CAMLG: variants seen among roughly 807,000 people sequenced by gnomAD.
CAMLG encodes calcium modulating ligand.
A neutral mutation model predicts 28.9 loss-of-function variants in CAMLG; 23 were observed. That is an observed-to-expected ratio of 0.80 (90% confidence interval 0.57 to 1.13). The LOEUF (loss-of-function observed/expected upper bound fraction) is 1.13. CAMLG is among the 50% of genes most tolerant of loss of function. The pLI is 0.00. For synonymous variants in CAMLG, 141 were observed against 146.5 expected (o/e 0.96, Z 0.27); for missense variants, 367 against 371.9 (o/e 0.99, Z 0.11).
intron 1 of CAMLG, among the ~76,000 whole-genome samples, chr5:134,739,848 C>T (rs1752962608): frequency 6.6e-6 from 1 of 152,082 alleles, no homozygotes; most frequent in Non-Finnish European, 1.5e-5. Flanking sequence ...ATATTTTGTT[C>T]TTTTGCTTTG....
intron 3 of CAMLG, among the ~76,000 whole-genome samples, chr5:134,744,735 G>C (rs1342572120): frequency 2.0e-5 from 3 of 152,154 alleles, no homozygotes; most frequent in South Asian, 4.1e-4. Context: ...TTAAAAAATG[G>C]ATTTGATTAT....
chr5:134,738,842 C>T, intron 1 of CAMLG, 50 bp downstream of exon 1: 1 of 1,577,132 alleles, frequency 6.3e-7, no homozygotes, highest in Non-Finnish European at 8.7e-7. Context: ...CTTGAATCTT[C>T]AGGGTCATTC....
intron 2 of CAMLG, among the ~76,000 whole-genome samples, chr5:134,742,854 T>C (rs1241379715): frequency 5.3e-5 from 8 of 152,164 alleles, no homozygotes; most frequent in African/African-American, 1.9e-4. Flanking sequence ...TTCTCCTGCC[T>C]TAGCCTCCCG....
chr5:134,746,828 C>G (rs1226020764), intron 3 of CAMLG, among the ~76,000 whole-genome samples: 1 of 151,198 alleles, frequency 6.6e-6, no homozygotes, highest in Non-Finnish European at 1.5e-5. Context: ...TGCCTCACGC[C>G]TGTAATCCCA....
rs1371380467 is a variant in CAMLG at position 134,751,311 on chromosome 5, T to G, written c.*361T>G. The G allele has an allele frequency of 1.2e-5, 2 of 169,672 alleles. No individual in the cohort carries two copies. The highest frequency in any genetic ancestry group is 2.5e-5 in the Non-Finnish European group (2 of 78,918). The allele number at this position is 169,672 out of a possible 1,614,324, so 10.5% of individuals were successfully genotyped here. A position where few individuals can be genotyped will look rare whatever the true frequency, so the allele number is the denominator to read the frequency against. On this transcript the variant is annotated 3_prime_UTR_variant, in exon 4 of 4. Transcript: ENST00000297156. ...GTCTCAGCCAGCCCTAGAGACTGCT[T>G]CTTGTGTTTGTGTCATTCTGTCCTG...
chr5:134,738,847 T>C, intron 1 of CAMLG, 55 bp downstream of exon 1: 3 of 1,563,628 alleles, frequency 1.9e-6, no homozygotes, highest in Non-Finnish European at 2.6e-6. Context: ...ATCTTCAGGG[T>C]CATTCTTCCC....
Position 134,738,604 on chromosome 5 carries a change from A to G in CAMLG, c.-17A>G, listed in dbSNP as rs1273878060. 6.2e-7 allele frequency: 1 copy of G among 1,601,162 alleles called. No individual in the cohort carries two copies. The highest frequency in any genetic ancestry group is 1.1e-5 in the South Asian group (1 of 90,422). On this transcript the variant is annotated 5_prime_UTR_variant, in exon 1 of 4. Transcript: ENST00000297156. ...CATCACCGCCACTGCCACCCCTCCC[A>G]GACTGTGGACGGGAGGATGGAGTCG... is the stretch of plus-strand genomic sequence containing the variant.
Position 134,741,161 on chromosome 5 carries a change from G to C in CAMLG, c.271G>C (p.Val91Leu), listed in dbSNP as rs201890510. The part of the protein sequence containing the change: ...VSKRVVLGDS[V>L]STGTTDQQGG... ...AAAGCGAGTAGTGCTGGGTGATTCA[G>C]TCAGTACAGGAACAACTGACCAGCA... The change falls in exon 2 of 4, where the codon GTC becomes CTC. Residue 91 changes from valine to leucine, a missense_variant. Coordinates refer to ENST00000297156, the MANE Select transcript of CAMLG (RefSeq NM_001745.4). The C allele has an allele frequency of 1.2e-6, 2 of 1,614,026 alleles. No individual in the cohort carries two copies. Among genetic ancestry groups the C allele is most frequent in the Non-Finnish European group, 1.7e-6 (2 of 1,179,974 alleles).
At chr5:134,746,004 G>A (rs1422142769) in intron 3 of CAMLG, among the ~76,000 whole-genome samples, 1 of 151,214 alleles carries the variant, frequency 6.6e-6, no homozygotes, top group African/African-American at 2.4e-5. Context: ...CAGGCATGGT[G>A]GCGCATGCCT....
At position 134,751,844 on chromosome 5, in the gene CAMLG, C is replaced by G. The variant is rs2150123063; in HGVS notation, c.*894C>G. ...TACAGGCATGCACCACCACGCCCAGCTAATTTTTATATTCTTTAGTAAAGA... is the reference window on the plus strand; with the variant it reads ...TACAGGCATGCACCACCACGCCCAGGTAATTTTTATATTCTTTAGTAAAGA... On this transcript the variant is annotated 3_prime_UTR_variant, in exon 4 of 4. Transcript: ENST00000297156. 6.6e-6 allele frequency: 1 copy of G among 152,322 alleles called. No homozygotes were observed. Among genetic ancestry groups the G allele is most frequent in the East Asian group, 1.9e-4 (1 of 5,180 alleles). The allele number at this position is 152,322 out of a possible 1,614,324, so 9.4% of individuals were successfully genotyped here.
In CAMLG at chr5:134,744,392, C is replaced by T. The variant is rs547974254; in HGVS notation, c.699+340C>T. ...TACAAAAATTAGCCAGGTATGGTGACGCACACCTGTAATTCCAGCTACTCA... is the reference window on the plus strand; with the variant it reads ...TACAAAAATTAGCCAGGTATGGTGATGCACACCTGTAATTCCAGCTACTCA... On this transcript the variant is annotated intron_variant, in intron 3 of 3. Coordinates refer to ENST00000297156, the MANE Select transcript of CAMLG (RefSeq NM_001745.4). Among the ~76,000 whole-genome samples, 23 of 152,094 alleles carry T rather than the reference C, an allele frequency of 1.5e-4. No homozygotes were observed. In the South Asian group the frequency reaches 1.7e-3, roughly 11 times the overall value.
chr5:134,749,331 G>A (rs148111760), intron 3 of CAMLG, among the ~76,000 whole-genome samples: 1,825 of 152,164 alleles, frequency 0.012, 44 homozygotes, highest in African/African-American at 0.041. Flanking sequence ...ACCTCCCAAA[G>A]TGCTGGGATT....
Position 134,751,141 on chromosome 5 carries a change from G to C in CAMLG, c.*191G>C. ...AAAGGGCTGAGTTTGTATTATTACT[G>C]ATATGAAGAATAGAGTACCAATGTC... On this transcript the variant is annotated 3_prime_UTR_variant, in exon 4 of 4. Coordinates refer to ENST00000297156, the MANE Select transcript of CAMLG (RefSeq NM_001745.4). 2 of 508,256 alleles carry C rather than the reference G, an allele frequency of 3.9e-6. No individual in the cohort carries two copies. Among genetic ancestry groups the C allele is most frequent in the East Asian group, 6.0e-5 (2 of 33,600 alleles). 31.5% of individuals were successfully genotyped at this position (508,256 alleles called of 1,614,324 possible).
chr5:134,742,233 G>T lies in CAMLG; in HGVS notation c.633+710G>T, dbSNP rs114704383. On this transcript the variant is annotated intron_variant, in intron 2 of 3. Coordinates refer to ENST00000297156, the MANE Select transcript of CAMLG (RefSeq NM_001745.4). ...ACTAAAACCCATTTTTCATTCTACGGACCTTTCTCATTGTTTTGCATACAT... is the reference window on the plus strand; with the variant it reads ...ACTAAAACCCATTTTTCATTCTACGTACCTTTCTCATTGTTTTGCATACAT... Among the ~76,000 whole-genome samples the T allele has an allele frequency of 8.5e-3, 1,296 of 152,088 alleles. 6 individuals carry two copies. Among genetic ancestry groups the T allele is most frequent in the Middle Eastern group, 0.041 (12 of 294 alleles).
chr5:134,748,631 G>A (rs527600090), intron 3 of CAMLG, among the ~76,000 whole-genome samples: 3 of 152,088 alleles, frequency 2.0e-5, no homozygotes, highest in Non-Finnish European at 2.9e-5. Flanking sequence ...CATTTAATAC[G>A]TTTGTTATCC....
Position 134,738,688 on chromosome 5 carries a change from C to T in CAMLG, c.68C>T (p.Ser23Leu), listed in dbSNP as rs200925040. ...GGGGTCCCAGCGGGCTCAGGTCTGT[C>T]GGCTTCCCAGCGTCGGGCGGAGCTG... ...RPGVPAGSGL[S>L]ASQRRAELRR... The change falls in exon 1 of 4, where the codon TCG (serine) becomes TTG (leucine). Residue 23 changes from serine (S) to leucine (L), a missense_variant. Coordinates refer to ENST00000297156, the MANE Select transcript of CAMLG (RefSeq NM_001745.4). The T allele has an allele frequency of 6.2e-7, 1 of 1,613,914 alleles. No individual in the cohort carries two copies. Among genetic ancestry groups the T allele is most frequent in the Non-Finnish European group, 8.5e-7 (1 of 1,179,922 alleles).
chr5:134,745,317 T>C (rs999016661), intron 3 of CAMLG, among the ~76,000 whole-genome samples: 3 of 151,002 alleles, frequency 2.0e-5, no homozygotes, highest in Non-Finnish European at 4.4e-5. Flanking sequence ...GCACCTGTAG[T>C]CCCAGCTACT....
intron 2 of CAMLG, among the ~76,000 whole-genome samples, chr5:134,742,015 C>T (rs1367668186): frequency 6.6e-6 from 1 of 151,880 alleles, no homozygotes; most frequent in Non-Finnish European, 1.5e-5. Context: ...GTAAATAATA[C>T]AAATAAAAAC....
At chr5:134,740,041 A>C (rs570565801) in intron 1 of CAMLG, among the ~76,000 whole-genome samples, 5 of 151,962 alleles carry the variant, frequency 3.3e-5, no homozygotes, top group Non-Finnish European at 7.4e-5. Flanking sequence ...ATGCCTGGCT[A>C]ATTTAAAAAA....
Sources: gnomAD v4.1 joint callset for allele counts (sites outside exome capture counted in the v4.1 genomes callset) on GRCh38, gnomAD v4.1.1 for gene constraint, MANE v1.5 for transcripts, NCBI Gene and HGNC (gene_info 2026-07-23, HGNC 2026-07-21) for gene names.